The following ZNF519 variants were observed in gnomAD, a reference collection of about 807,000 sequenced individuals.
The protein encoded by ZNF519 is similar to Zinc finger protein 85 (Zinc finger protein HPF4) (HTF1).
Under a neutral mutation model 7.4 loss-of-function variants are expected in ZNF519, and 7 were observed. That is an observed-to-expected ratio of 0.94 (90% confidence interval 0.54 to 1.77). The LOEUF (loss-of-function observed/expected upper bound fraction) is 1.77, where lower values mean the gene tolerates loss of function less well. Among genes scored for constraint, ZNF519 ranks in the 40% most tolerant of loss-of-function variants. The pLI is 0.00. For synonymous variants in ZNF519, 179 were observed against 203.3 expected, an observed-to-expected ratio of 0.88 and a Z score of 1.02; for missense variants, 586 against 623.1, an observed-to-expected ratio of 0.94 and a Z score of 0.63.
intron 2 of ZNF519, chr18:14,090,114 G>GGGTT (rs1457397387): frequency 1.3e-5 from 2 of 152,176 alleles, no homozygotes; most frequent in African/African-American, 4.8e-5. Flanking sequence ...ACTGGCTCAT[G>GGGTT]GGTTGGTCCC....
downstream of ZNF519, chr18:14,074,154 G>A (rs1205781014): frequency 6.6e-6 from 1 of 152,182 alleles, no homozygotes; most frequent in African/African-American, 2.4e-5. Context: ...TCATTCAGAT[G>A]TTTTTTTCAA....
At chr18:14,117,757 A>G (rs1028116865) in intron 2 of ZNF519, among the ~76,000 whole-genome samples, 4 of 152,166 alleles carry the variant, frequency 2.6e-5, no homozygotes, top group African/African-American at 9.7e-5. Context: ...TGGTGGGAGC[A>G]GGAGCAAGAC....
downstream of ZNF519, chr18:14,072,266 G>A (rs2046031032): frequency 1.3e-5 from 2 of 152,100 alleles, no homozygotes; most frequent in Non-Finnish European, 1.5e-5. Flanking sequence ...ATAAAAACAC[G>A]TTTTTAAGTT....
Position 14,101,495 on chromosome 18 carries a change from G to A in ZNF519, c.*3422C>T. The A allele has an allele frequency of 7.6e-6, 3 of 396,200 alleles. No homozygotes were observed. Among genetic ancestry groups the A allele is most frequent in the Non-Finnish European group, 1.3e-5 (3 of 225,108 alleles). 24.5% of individuals were successfully genotyped at this position (396,200 alleles called of 1,614,324 possible). A position where few individuals can be genotyped will look rare whatever the true frequency, so the allele number is the denominator to read the frequency against. On this transcript the variant is annotated 3_prime_UTR_variant, in exon 3 of 3. Transcript: ENST00000590202. ...TTGTACACCTGAACAGTGCTGGGGT[G>A]AAATGGTGGGGCTGAAGGAAGGAAA...
chr18:14,114,813 C>A (rs2046237905), intron 2 of ZNF519, among the ~76,000 whole-genome samples: 1 of 152,042 alleles, frequency 6.6e-6, no homozygotes, highest in Admixed American at 6.6e-5. Flanking sequence ...AGATTGTAAA[C>A]AAAGGATTAA....
At chr18:14,081,929 A>C (rs1410380763) in intron 3 of ZNF519, among the ~76,000 whole-genome samples, 1 of 152,140 alleles carries the variant, frequency 6.6e-6, no homozygotes, top group African/African-American at 2.4e-5. Context: ...TGAGATGTAA[A>C]TCTTGCAAGA....
At chr18:14,091,118 A>G (rs1210422530) in intron 2 of ZNF519, 3 of 152,200 alleles carry the variant, frequency 2.0e-5, no homozygotes, top group East Asian at 1.9e-4. Flanking sequence ...AATGCTTAAT[A>G]TATTTATTTG....
chr18:14,090,271 G>A (rs192799475), intron 2 of ZNF519: 4 of 152,152 alleles, frequency 2.6e-5, no homozygotes, highest in African/African-American at 7.2e-5. Flanking sequence ...GTTCAGAGAC[G>A]GAGTCATTTT....
Position 14,103,464 on chromosome 18 carries a change from A to C in ZNF519, c.*1453T>G, listed in dbSNP as rs2046172158. On this transcript the variant is annotated 3_prime_UTR_variant, in exon 3 of 3. Coordinates refer to ENST00000590202, the MANE Select transcript of ZNF519 (RefSeq NM_145287.4). Reference sequence around the variant, plus strand: ...TAATTAATGTGTTAAAGAAAAAATGAAACTGGAAAATATTTTCAGATAAAT... The same window carrying C: ...TAATTAATGTGTTAAAGAAAAAATGCAACTGGAAAATATTTTCAGATAAAT... The C allele has an allele frequency of 3.3e-5, 5 of 152,162 alleles. No individual in the cohort carries two copies. Among genetic ancestry groups the C allele is most frequent in the Admixed American group, 3.3e-4 (5 of 15,282 alleles). 9.4% of individuals were successfully genotyped at this position (152,162 alleles called of 1,614,324 possible).
chr18:14,112,301 T>C (rs747348802), intron 2 of ZNF519, among the ~76,000 whole-genome samples: 14 of 152,180 alleles, frequency 9.2e-5, no homozygotes, highest in South Asian at 2.1e-4. Context: ...CTCAAAACTA[T>C]AGAAGAAACA....
rs2046165091 is a variant in ZNF519, at chr18:14,102,177, A to T, written c.*2740T>A. ...CTCACATGTTGCCCAGGCTGAATTT[A>T]CTTATTTAGAGATGGAGTCTCACTC... On this transcript the variant is annotated 3_prime_UTR_variant, in exon 3 of 3. Transcript: ENST00000590202. 1 of 152,166 alleles carries T rather than the reference A, an allele frequency of 6.6e-6. No individual in the cohort carries two copies. The highest frequency in any genetic ancestry group is 1.5e-5 in the Non-Finnish European group (1 of 68,142). 9.4% of individuals were successfully genotyped at this position (152,166 alleles called of 1,614,324 possible).
intron 2 of ZNF519, among the ~76,000 whole-genome samples, chr18:14,087,215 T>C (rs915362813): frequency 2.5e-4 from 38 of 152,134 alleles, no homozygotes; most frequent in African/African-American, 8.9e-4. Flanking sequence ...ATAAAGGCCA[T>C]ATATAACAGA....
intron 1 of ZNF519, among the ~76,000 whole-genome samples, chr18:14,125,312 A>G (rs2046293438): frequency 6.6e-6 from 1 of 152,216 alleles, no homozygotes; most frequent in South Asian, 2.1e-4. Flanking sequence ...AAACATGTGC[A>G]CAAGCATTAA....
chr18:14,120,674 AT>A (rs148130618), intron 2 of ZNF519, among the ~76,000 whole-genome samples: 1,850 of 152,296 alleles, frequency 0.012, 42 homozygotes, highest in African/African-American at 0.042. Context: ...AACTTCTGCA[AT>A]TCAAAGCAAA....
exon 5 of ZNF519, chr18:14,077,334 C>T (rs2046051393): frequency 6.6e-6 from 1 of 152,266 alleles, no homozygotes; most frequent in Admixed American, 6.5e-5. Context: ...CTTACTGTAC[C>T]TCCCAATATA....
At chr18:14,127,600 C>T (rs2046307031) in intron 1 of ZNF519, among the ~76,000 whole-genome samples, 1 of 152,028 alleles carries the variant, frequency 6.6e-6, no homozygotes, top group Admixed American at 6.5e-5. Context: ...GGCATTTGGG[C>T]AAGGGGAGGT....
At chr18:14,132,231 G>A in intron 1 of ZNF519, 44 bp downstream of exon 1, 1 of 1,611,842 alleles carries the variant, frequency 6.2e-7, no homozygotes. Context: ...CGGTTCCAAG[G>A]AGCCCCCTCC....
chr18:14,130,705 C>T (rs1202650989), intron 1 of ZNF519, among the ~76,000 whole-genome samples: 1 of 151,974 alleles, frequency 6.6e-6, no homozygotes. Context: ...GTGGGTTTTT[C>T]TTGTCCTTCA....
At position 14,101,448 on chromosome 18, in the gene ZNF519, C is replaced by T. The variant is rs2046160528; in HGVS notation, c.*3469G>A. The T allele has an allele frequency of 2.6e-6, 1 of 386,560 alleles. No homozygotes were observed. The highest frequency in any genetic ancestry group is 4.5e-5 in the Admixed American group (1 of 22,392). The allele number at this position is 386,560 out of a possible 1,614,324, so 23.9% of individuals were successfully genotyped here. Reference sequence around the variant, plus strand: ...AATATAAATAATTTTCCTAGATATTCTTACAAATATGTGAAAGCCGATTGT... The same window carrying T: ...AATATAAATAATTTTCCTAGATATTTTTACAAATATGTGAAAGCCGATTGT... On this transcript the variant is annotated 3_prime_UTR_variant, in exon 3 of 3. Coordinates refer to ENST00000590202, the MANE Select transcript of ZNF519 (RefSeq NM_145287.4).
Sources: allele counts gnomAD v4.1 joint callset (sites outside exome capture counted in the v4.1 genomes callset), GRCh38; gene constraint gnomAD v4.1.1; transcripts MANE v1.5; gene names NCBI Gene and HGNC (gene_info 2026-07-23, HGNC 2026-07-21).